Variants in E2F3 observed in about 807,000 individuals in gnomAD.
E2F3 encodes the protein E2F transcription factor 3, also known as transcription factor E2F3.
A neutral mutation model predicts 44.4 loss-of-function variants in E2F3; 11 were observed. The observed-to-expected ratio is 0.25, with a 90% CI of 0.16 to 0.41. The LOEUF is 0.41. Ranked by LOEUF, E2F3 falls within the 10% of genes least tolerant of loss-of-function variation. The probability of loss-of-function intolerance (pLI) is 1.00; values close to 1 mark genes in which losing one functional copy is unlikely to be tolerated. For missense variants in E2F3, 487 were observed against 583.6 expected, an observed-to-expected ratio of 0.83 and a Z score of 1.70; for synonymous variants, 249 against 253.0, an observed-to-expected ratio of 0.98 and a Z score of 0.15.
intron 1 of E2F3, among the ~76,000 whole-genome samples, chr6:20,414,237 T>G (rs1759769038): frequency 6.6e-6 from 1 of 152,230 alleles, no homozygotes; most frequent in African/African-American, 2.4e-5. Flanking sequence ...GACAAATTCA[T>G]CAGGTTGATT....
chr6:20,483,313 A>C (rs1762291955), intron 4 of E2F3, among the ~76,000 whole-genome samples: 5 of 152,306 alleles, frequency 3.3e-5, no homozygotes, highest in Admixed American at 2.6e-4. Context: ...TTGGCTTCCC[A>C]GATTTTTGGT....
intron 1 of E2F3, among the ~76,000 whole-genome samples, chr6:20,404,234 A>C (rs979347234): frequency 2.0e-5 from 3 of 151,716 alleles, no homozygotes; most frequent in African/African-American, 7.3e-5. Context: ...GCCACCCGCC[A>C]CCCCCTCCCT....
rs991829293 is a variant in E2F3, at chr6:20,492,347, C to G, written c.*1917C>G. On this transcript the variant is annotated 3_prime_UTR_variant, in exon 7 of 7. Transcript: ENST00000346618. ...TCTTCCTTTTTTTCTTCTTCAGCCTCCATCCCTGGCCTCCTCCCCTCACAC... is the reference window on the plus strand; with the variant it reads ...TCTTCCTTTTTTTCTTCTTCAGCCTGCATCCCTGGCCTCCTCCCCTCACAC... 3 of 233,412 alleles carry G rather than the reference C, an allele frequency of 1.3e-5. No homozygotes were observed. Among genetic ancestry groups the G allele is most frequent in the Non-Finnish European group, 2.5e-5 (3 of 117,918 alleles). 14.5% of individuals were successfully genotyped at this position (233,412 alleles called of 1,614,324 possible).
chr6:20,436,360 C>T (rs979644361), intron 1 of E2F3, among the ~76,000 whole-genome samples: 4 of 151,992 alleles, frequency 2.6e-5, no homozygotes, highest in African/African-American at 7.3e-5. Context: ...TCGGGGTGTC[C>T]AATCTTTTGG....
At chr6:20,447,179 A>T (rs1760973709) in intron 1 of E2F3, among the ~76,000 whole-genome samples, 1 of 152,160 alleles carries the variant, frequency 6.6e-6, no homozygotes, top group South Asian at 2.1e-4. Context: ...TTAGTGTCAT[A>T]CTGAAGAAGA....
intron 1 of E2F3, among the ~76,000 whole-genome samples, chr6:20,476,115 T>C (rs1312956908): frequency 6.6e-6 from 1 of 151,886 alleles, no homozygotes; most frequent in Non-Finnish European, 1.5e-5. Flanking sequence ...CTCACGCCTG[T>C]AATCCCAGCA....
chr6:20,446,862 C>T (rs987996251), intron 1 of E2F3, among the ~76,000 whole-genome samples: 2 of 152,132 alleles, frequency 1.3e-5, no homozygotes, highest in African/African-American at 4.8e-5. Flanking sequence ...CAACCATGCC[C>T]GGCCCTCTGT....
intron 1 of E2F3, among the ~76,000 whole-genome samples, chr6:20,453,518 G>T (rs1761205080): frequency 6.6e-6 from 1 of 152,106 alleles, no homozygotes; most frequent in Non-Finnish European, 1.5e-5. Context: ...GTGCTCAGGT[G>T]ATTCTCTTGC....
chr6:20,405,377 C>T (rs1188036986), intron 1 of E2F3, among the ~76,000 whole-genome samples: 2 of 127,526 alleles, frequency 1.6e-5, no homozygotes, highest in Non-Finnish European at 3.1e-5. Flanking sequence ...GACGGAGTCT[C>T]ATTCTGTCGC....
At chr6:20,407,586 A>G (rs1327807366) in intron 1 of E2F3, among the ~76,000 whole-genome samples, 2 of 152,226 alleles carry the variant, frequency 1.3e-5, no homozygotes, top group Non-Finnish European at 2.9e-5. Context: ...TTTCTCAGAA[A>G]TATATAAAGC....
chr6:20,402,514 C>G lies in E2F3; in HGVS notation c.282C>G (p.Thr94=). The change falls in exon 1 of 7, where the codon ACC becomes ACG. Residue 94 remains threonine, a synonymous_variant. Transcript: ENST00000346618. This position sits in a 1 kb window ranked among gnomAD's most constrained non-coding sequence, Gnocchi z 5.6. The part of the protein sequence containing the change: ...LLPSAPGAEQ[T]AGSLLYTTPH... ...CCAGTGCCCCCGGCGCGGAGCAGAC[C>G]GCCGGCAGCCTCCTCTACACCACGC... 1 of 1,602,166 alleles carries G rather than the reference C, an allele frequency of 6.2e-7. No homozygotes were observed. The highest frequency in any genetic ancestry group is 8.5e-7 in the Non-Finnish European group (1 of 1,178,680).
At chr6:20,467,775 TTTC>T (rs1298685943) in intron 1 of E2F3, among the ~76,000 whole-genome samples, 1 of 152,152 alleles carries the variant, frequency 6.6e-6, no homozygotes, top group Non-Finnish European at 1.5e-5. Flanking sequence ...TTAGTTCGCA[TTTC>T]TTCATGCATT....
At chr6:20,458,262 T>G (rs1171503167) in intron 1 of E2F3, among the ~76,000 whole-genome samples, 1 of 152,164 alleles carries the variant, frequency 6.6e-6, no homozygotes, top group African/African-American at 2.4e-5. Context: ...TTTGACTCCT[T>G]TTAAAGAATC....
In E2F3 at chr6:20,481,071, G is replaced by A. The variant is rs1188309673; in HGVS notation, c.506-135G>A. The A allele has an allele frequency of 9.0e-6, 7 of 775,796 alleles. No homozygotes were observed. The East Asian group carries it at 1.6e-4, about 18-fold the overall frequency. 48.1% of individuals were successfully genotyped at this position (775,796 alleles called of 1,614,324 possible). ...TTTCTATGACTTGCCAACACCAACA[G>A]CAACGACAGCCTTGCTTCAGATACT... is the stretch of plus-strand genomic sequence containing the variant. On this transcript the variant is annotated intron_variant, in intron 2 of 6. Coordinates refer to ENST00000346618, the MANE Select transcript of E2F3 (RefSeq NM_001949.5).
At chr6:20,474,808 C>A (rs971938419) in intron 1 of E2F3, among the ~76,000 whole-genome samples, 1 of 152,194 alleles carries the variant, frequency 6.6e-6, no homozygotes, top group Non-Finnish European at 1.5e-5. Context: ...ATTATTGCAC[C>A]CATGTTCAGA....
chr6:20,451,624 C>A (rs1761134148), intron 1 of E2F3, among the ~76,000 whole-genome samples: 1 of 152,138 alleles, frequency 6.6e-6, no homozygotes, highest in Non-Finnish European at 1.5e-5. Flanking sequence ...GAGAGGGCAT[C>A]CTTGTCTTTT....
chr6:20,476,597 C>T (rs1762053157), intron 1 of E2F3, among the ~76,000 whole-genome samples: 1 of 152,222 alleles, frequency 6.6e-6, no homozygotes, highest in Non-Finnish European at 1.5e-5. Flanking sequence ...GAAAGACATA[C>T]CTGCTTCTTG....
chr6:20,403,043 G>A (rs1179808803), intron 1 of E2F3, among the ~76,000 whole-genome samples: 1 of 152,028 alleles, frequency 6.6e-6, no homozygotes, highest in Non-Finnish European at 1.5e-5. Context: ...GGGGCTCTGA[G>A]GGGTTGAAAC....
chr6:20,402,643 C>G lies in E2F3; in HGVS notation c.393+18C>G, dbSNP rs1193145283. 5.3e-6 allele frequency: 7 copies of G among 1,321,996 alleles called. No individual in the cohort carries two copies. Among genetic ancestry groups the G allele is most frequent in the East Asian group, 6.3e-5 (2 of 31,856 alleles). 81.9% of individuals were successfully genotyped at this position (1,321,996 alleles called of 1,614,324 possible). A position where few individuals can be genotyped will look rare whatever the true frequency, so the allele number is the denominator to read the frequency against. ...GCCCTCCGGTAATACCCTCCCTCCC[C>G]ACCGTCCCCAGCCCCGGCGGGAGGT... On this transcript the variant is annotated intron_variant, in intron 1 of 6. Coordinates refer to ENST00000346618, the MANE Select transcript of E2F3 (RefSeq NM_001949.5). The surrounding 1 kb of genome is among the most constrained non-coding windows in gnomAD (Gnocchi z 5.6).
Sources: gnomAD v4.1 joint callset for allele counts (sites outside exome capture counted in the v4.1 genomes callset) on GRCh38, gnomAD v4.1.1 for gene constraint, Gnocchi (gnomAD v3.1) non-coding constraint, MANE v1.5 for transcripts, NCBI Gene and HGNC (gene_info 2026-07-23, HGNC 2026-07-21) for gene names.